The following RAD18 variants were observed in gnomAD, a reference collection of about 807,000 sequenced individuals.
The protein encoded by RAD18 is E3 ubiquitin-protein ligase RAD18.
Under a neutral mutation model 60.4 loss-of-function variants are expected in RAD18, and 47 were observed. The observed-to-expected ratio is 0.78, with a 90% CI of 0.62 to 0.99. The LOEUF (loss-of-function observed/expected upper bound fraction) is 0.99. RAD18 is among the 50% of genes least tolerant of loss of function. The pLI is 0.00. For missense variants in RAD18, 640 were observed against 593.3 expected, an observed-to-expected ratio of 1.08 and a Z score of -0.82; for synonymous variants, 225 against 195.5, an observed-to-expected ratio of 1.15 and a Z score of -1.26.
intron 9 of RAD18, 77 bp from the exon 10 acceptor site, chr3:8,902,597 AG>A: frequency 7.0e-7 from 1 of 1,420,074 alleles, no homozygotes; most frequent in African/African-American, 1.5e-5. Context: ...CTGAATATCA[AG>A]AGGTGTACAA....
At chr3:8,935,830 T>C (rs1940639927) in intron 7 of RAD18, 41 bp downstream of exon 7, 3 of 1,437,466 alleles carry the variant, frequency 2.1e-6, no homozygotes, top group Non-Finnish European at 1.9e-6. Flanking sequence ...AAAATTGCTT[T>C]ATCCAGAAAG....
intron 4 of RAD18, among the ~76,000 whole-genome samples, chr3:8,946,228 T>C (rs1292471591): frequency 6.6e-6 from 1 of 152,244 alleles, no homozygotes; most frequent in African/African-American, 2.4e-5. Flanking sequence ...CACTAATAGG[T>C]ACCATTGTGT....
chr3:8,905,959 T>A (rs371182483), intron 9 of RAD18, among the ~76,000 whole-genome samples: 2 of 152,216 alleles, frequency 1.3e-5, no homozygotes, highest in South Asian at 4.1e-4. Context: ...CCCTTGTTCT[T>A]ACCATGAAAC....
intron 2 of RAD18, among the ~76,000 whole-genome samples, chr3:8,953,528 C>A (rs951043591): frequency 6.6e-6 from 1 of 152,124 alleles, no homozygotes; most frequent in Non-Finnish European, 1.5e-5. Flanking sequence ...ACTATGACAA[C>A]CCTTCCATTC....
chr3:8,939,549 C>T lies in RAD18; in HGVS notation c.704+5G>A. 2 of 1,607,966 alleles carry T rather than the reference C, an allele frequency of 1.2e-6. No homozygotes were observed. The highest frequency in any genetic ancestry group is 1.7e-4 in the Middle Eastern group (1 of 6,048). ...TAGCTCAATGGTTCTGCTCAACTTC[C>T]TTACCTTCTGAGGCTTTCCTTCTTC... On this transcript the variant is annotated splice_donor_5th_base_variant and intron_variant, in intron 6 of 12. Coordinates refer to ENST00000264926, the MANE Select transcript of RAD18 (RefSeq NM_020165.4).
At chr3:8,947,025 G>A in intron 4 of RAD18, 195 bp downstream of exon 4, 3 of 550,482 alleles carry the variant, frequency 5.4e-6, no homozygotes, top group Middle Eastern at 4.9e-4. Context: ...TATACTACAG[G>A]AGAATTTCTG....
intron 7 of RAD18, among the ~76,000 whole-genome samples, chr3:8,924,513 A>C (rs1940389486): frequency 1.4e-5 from 2 of 140,064 alleles, no homozygotes; most frequent in Non-Finnish European, 1.6e-5. Context: ...CGAGACAGAA[A>C]GTTAACAAGG....
At chr3:8,956,987 A>AT (rs1287667107) in intron 2 of RAD18, among the ~76,000 whole-genome samples, 1 of 152,212 alleles carries the variant, frequency 6.6e-6, no homozygotes, top group African/African-American at 2.4e-5. Flanking sequence ...AGGCATATAG[A>AT]TCAGAAAGGA....
chr3:8,961,140 G>A (rs1483225446), intron 1 of RAD18, among the ~76,000 whole-genome samples: 1 of 152,160 alleles, frequency 6.6e-6, no homozygotes, highest in East Asian at 1.9e-4. Context: ...TGAAAGATCT[G>A]CAGAGCACAA....
In RAD18 at chr3:8,877,115, T is replaced by G. The variant is rs250400; in HGVS notation, c.*4242A>C. The G allele has an allele frequency of 6.6e-6, 1 of 152,110 alleles. No homozygotes were observed. Among genetic ancestry groups the G allele is most frequent in the South Asian group, 2.1e-4 (1 of 4,830 alleles). The allele number at this position is 152,110 out of a possible 1,614,324, so 9.4% of individuals were successfully genotyped here. ...TATTCTAATATTTTGTATTTTGGAA[T>G]CAAAGGAGTCAGAAGATGCATGCAT... On this transcript the variant is annotated 3_prime_UTR_variant, in exon 13 of 13. Transcript: ENST00000264926.
intron 7 of RAD18, among the ~76,000 whole-genome samples, chr3:8,924,542 C>A (rs1054601572): frequency 7.1e-6 from 1 of 141,018 alleles, no homozygotes; most frequent in Non-Finnish European, 1.6e-5. Context: ...GAATTGAACT[C>A]AGCTCTGCAC....
chr3:8,933,456 A>G (rs1455158266), intron 7 of RAD18, among the ~76,000 whole-genome samples: 2 of 152,216 alleles, frequency 1.3e-5, no homozygotes, highest in African/African-American at 2.4e-5. Context: ...AGGATGTATT[A>G]CATGTGAGTA....
intron 4 of RAD18, among the ~76,000 whole-genome samples, chr3:8,942,759 G>C (rs1409429046): frequency 6.6e-6 from 1 of 152,164 alleles, no homozygotes; most frequent in Non-Finnish European, 1.5e-5. Context: ...ACACGTGGTA[G>C]CTACTGAAAG....
intron 8 of RAD18, among the ~76,000 whole-genome samples, chr3:8,912,758 A>G (rs1382776655): frequency 2.6e-5 from 4 of 152,098 alleles, no homozygotes; most frequent in Non-Finnish European, 4.4e-5. Context: ...CTCCTTTCCA[A>G]TCTAACTTCT....
chr3:8,929,705 G>A (rs911260706), intron 7 of RAD18, among the ~76,000 whole-genome samples: 6 of 150,726 alleles, frequency 4.0e-5, no homozygotes, highest in Non-Finnish European at 5.9e-5. Flanking sequence ...GCAATGGCAC[G>A]ATCTCAGCTC....
intron 7 of RAD18, among the ~76,000 whole-genome samples, chr3:8,919,509 A>G (rs1194362589): frequency 6.6e-6 from 1 of 152,264 alleles, no homozygotes; most frequent in East Asian, 1.9e-4. Flanking sequence ...CTGCTACAGT[A>G]TGAAATACTT....
chr3:8,927,282 T>C (rs1374661143), intron 7 of RAD18, among the ~76,000 whole-genome samples: 2 of 152,132 alleles, frequency 1.3e-5, no homozygotes, highest in African/African-American at 2.4e-5. Flanking sequence ...AAGAAGACAT[T>C]TATGCAGCCA....
chr3:8,901,627 A>G (rs1244062148), intron 10 of RAD18, among the ~76,000 whole-genome samples: 4 of 152,184 alleles, frequency 2.6e-5, no homozygotes, highest in Non-Finnish European at 5.9e-5. Context: ...TGGAATTGTT[A>G]TTACCAGGGC....
intron 9 of RAD18, among the ~76,000 whole-genome samples, chr3:8,906,938 T>A (rs1367671215): frequency 6.6e-6 from 1 of 152,230 alleles, no homozygotes; most frequent in African/African-American, 2.4e-5. Context: ...AAATATTTGG[T>A]GACTTTCCCA....
Sources: gnomAD v4.1 joint callset for allele counts (sites outside exome capture counted in the v4.1 genomes callset) on GRCh38, gnomAD v4.1.1 for gene constraint, MANE v1.5 for transcripts, NCBI Gene and HGNC (gene_info 2026-07-23, HGNC 2026-07-21) for gene names.